Variants in STRBP observed in about 807,000 individuals in gnomAD.
The protein encoded by STRBP is spermatid perinuclear RNA binding protein.
In STRBP, 13 loss-of-function variants were observed where a neutral mutation model predicts 80.1. The ratio of observed to expected loss-of-function variants is 0.16; its 90% CI spans 0.11 to 0.26. STRBP has a LOEUF of 0.26. Among genes scored for constraint, STRBP ranks in the 10% least tolerant of loss-of-function variants. STRBP has a pLI of 1.00. For missense variants in STRBP, 485 were observed against 815.2 expected (o/e 0.59, Z 4.93); for synonymous variants, 284 against 291.2 (o/e 0.98, Z 0.25).
At chr9:123,254,492 A>C (rs2040984857) in intron 1 of STRBP, among the ~76,000 whole-genome samples, 1 of 151,720 alleles carries the variant, frequency 6.6e-6, no homozygotes, top group South Asian at 2.1e-4. Context: ...AAGAACAAAA[A>C]AGAAATCTAC....
intron 3 of STRBP, chr9:123,180,881 T>TTA (rs1245187345): frequency 1.0e-6 from 1 of 965,638 alleles, no homozygotes; most frequent in Non-Finnish European, 1.2e-6. Flanking sequence ...AAATTATATG[T>TTA]TAGTACATGG....
Position 123,125,203 on chromosome 9 carries a change from C to A in STRBP, c.*394G>T, listed in dbSNP as rs2035847678. 1.0e-6 allele frequency: 1 copy of A among 989,114 alleles called. No individual in the cohort carries two copies. Among genetic ancestry groups the A allele is most frequent in the African/African-American group, 1.7e-5 (1 of 57,444 alleles). The allele number at this position is 989,114 out of a possible 1,614,324, so 61.3% of individuals were successfully genotyped here. On this transcript the variant is annotated 3_prime_UTR_variant, in exon 19 of 19. Transcript: ENST00000348403. ...TAAGAATCAGTGACTGCATCAGGAACCAGGCAGTACTCTGTGTTACAACAA... is the reference window on the plus strand; with the variant it reads ...TAAGAATCAGTGACTGCATCAGGAAACAGGCAGTACTCTGTGTTACAACAA...
rs372255448 is a variant in STRBP, at chr9:123,193,132, A to C, written c.-164-8834T>G. Among the ~76,000 whole-genome samples the C allele has an allele frequency of 1.2e-4, 19 of 152,172 alleles. No homozygotes were observed. In the East Asian group the frequency reaches 3.3e-3, roughly 26 times the overall value. On this transcript the variant is annotated intron_variant, in intron 2 of 18. Transcript: ENST00000348403. ...CCTTACCTAATACTTCAGTTTATAT[A>C]ATTTCTTCCTCCTTTGAGCCATCCA...
chr9:123,246,762 T>C (rs2040808100), intron 1 of STRBP, among the ~76,000 whole-genome samples: 1 of 152,200 alleles, frequency 6.6e-6, no homozygotes, highest in African/African-American at 2.4e-5. Flanking sequence ...TTATAAAATA[T>C]TGGCTGACTG....
intron 1 of STRBP, among the ~76,000 whole-genome samples, chr9:123,250,887 G>A (rs2040899564): frequency 6.6e-6 from 1 of 152,200 alleles, no homozygotes; most frequent in African/African-American, 2.4e-5. Flanking sequence ...GGAGGCTGAA[G>A]CAGGAGGATG....
In STRBP at chr9:123,160,430, A is replaced by G. The variant is rs778458857; in HGVS notation, c.660T>C (p.Ile220=). 11 of 1,604,446 alleles carry G rather than the reference A, an allele frequency of 6.9e-6. No individual in the cohort carries two copies. In the African/African-American group the frequency reaches 8.0e-5, roughly 12 times the overall value. The part of the protein sequence containing the change: ...ARANGLKSCV[I]VLRILRDLCN... ...ACAAATCACGCAGAATGCGGAGGAC[A>G]ATTACACATGATTTTAATCCATTTG... The change falls in exon 8 of 19, where the codon ATT becomes ATC. Residue 220 remains isoleucine, a synonymous_variant. Coordinates refer to ENST00000348403, the MANE Select transcript of STRBP (RefSeq NM_018387.5).
At chr9:123,216,280 G>A (rs2039894654) in intron 2 of STRBP, among the ~76,000 whole-genome samples, 2 of 152,170 alleles carry the variant, frequency 1.3e-5, no homozygotes, top group Admixed American at 1.3e-4. Flanking sequence ...CATGTTCCTA[G>A]AAGGCAGATA....
chr9:123,217,638 A>G (rs974555504), intron 2 of STRBP, among the ~76,000 whole-genome samples: 28 of 152,224 alleles, frequency 1.8e-4, no homozygotes, highest in African/African-American at 6.5e-4. Flanking sequence ...GTCACCAGAT[A>G]AAGTTAAACC....
At chr9:123,263,260 T>C (rs1370461217) in intron 1 of STRBP, among the ~76,000 whole-genome samples, 7 of 152,078 alleles carry the variant, frequency 4.6e-5, no homozygotes, top group South Asian at 2.1e-4. Flanking sequence ...GGCAAATTAA[T>C]GTGTAATAAA....
At chr9:123,201,171 C>T (rs803730) in intron 2 of STRBP, among the ~76,000 whole-genome samples, 36,656 of 151,814 alleles carry the variant, frequency 0.24, 5,789 homozygotes, top group Non-Finnish European at 0.36. Flanking sequence ...TTTTTCGAAG[C>T]GACAGCATAT....
rs889637663 is a variant in STRBP at position 123,110,892 on chromosome 9, C to T, written c.*85-1139G>A. The T allele has an allele frequency of 5.9e-5, 10 of 169,244 alleles. No individual in the cohort carries two copies. The highest frequency in any genetic ancestry group is 2.4e-4 in the African/African-American group (10 of 41,514). The allele number at this position is 169,244 out of a possible 1,614,324, so 10.5% of individuals were successfully genotyped here. ...CTGAGAAGCTGCCACATGAAGTGAG[C>T]TAAGGGAAAAGCAGTGCTCAGTACC... On this transcript the variant is annotated intron_variant and NMD_transcript_variant, in intron 3 of 3. Transcript: ENST00000471564. The surrounding 1 kb of genome is among the most constrained non-coding windows in gnomAD (Gnocchi z 4.1).
intron 3 of STRBP, chr9:123,112,108 G>T (rs947318559): frequency 2.4e-5 from 4 of 168,334 alleles, no homozygotes; most frequent in Non-Finnish European, 2.9e-5. Flanking sequence ...ACTGTGCTGG[G>T]GCAGCAACGT....
intron 4 of STRBP, among the ~76,000 whole-genome samples, chr9:123,177,157 T>C (rs955671489): frequency 1.4e-4 from 21 of 152,160 alleles, no homozygotes; most frequent in Non-Finnish European, 2.5e-4. Context: ...AGAATCTCAT[T>C]CTGCACTCCT....
chr9:123,242,169 A>G (rs1271306669), intron 1 of STRBP, among the ~76,000 whole-genome samples: 1 of 152,140 alleles, frequency 6.6e-6, no homozygotes, highest in African/African-American at 2.4e-5. Flanking sequence ...TCAATTAGCC[A>G]CCCCACTATT....
At chr9:123,130,227 TTAAA>T (rs2036076199) in intron 17 of STRBP, among the ~76,000 whole-genome samples, 1 of 152,180 alleles carries the variant, frequency 6.6e-6, no homozygotes, top group Non-Finnish European at 1.5e-5. Context: ...GGGAATTTAA[TTAAA>T]TAATACATGT....
chr9:123,223,945 A>G (rs565875090), intron 2 of STRBP, among the ~76,000 whole-genome samples: 2 of 152,330 alleles, frequency 1.3e-5, no homozygotes, highest in Admixed American at 1.3e-4. Flanking sequence ...GTAGAGCAAC[A>G]AAGTAGAAGC....
rs2035792717 is a variant in STRBP at position 123,123,408 on chromosome 9, T to C, written c.*2189A>G. The C allele has an allele frequency of 1.0e-6, 1 of 985,352 alleles. No homozygotes were observed. Among genetic ancestry groups the C allele is most frequent in the Non-Finnish European group, 1.2e-6 (1 of 829,928 alleles). The allele number at this position is 985,352 out of a possible 1,614,324, so 61.0% of individuals were successfully genotyped here. ...CAGAATTTAAACAGTTGAACTTGCA[T>C]GGTTACCACTTCTAACAAAGGACTG... On this transcript the variant is annotated 3_prime_UTR_variant, in exon 19 of 19. Transcript: ENST00000348403.
At chr9:123,223,303 T>C (rs938506582) in intron 2 of STRBP, among the ~76,000 whole-genome samples, 14 of 152,160 alleles carry the variant, frequency 9.2e-5, no homozygotes, top group African/African-American at 3.4e-4. Context: ...ACATTATAAA[T>C]ATTTCAAAAT....
At chr9:123,155,729 GC>G (rs2037255087) in intron 11 of STRBP, among the ~76,000 whole-genome samples, 1 of 152,088 alleles carries the variant, frequency 6.6e-6, no homozygotes, top group East Asian at 1.9e-4. Flanking sequence ...ACTAGGCTAT[GC>G]CCACAGAATA....
Sources: gnomAD v4.1 joint callset for allele counts (sites outside exome capture counted in the v4.1 genomes callset) on GRCh38, gnomAD v4.1.1 for gene constraint, Gnocchi (gnomAD v3.1) non-coding constraint, MANE v1.5 for transcripts, NCBI Gene and HGNC (gene_info 2026-07-23, HGNC 2026-07-21) for gene names.